ZFAND3: variants seen among roughly 807,000 people sequenced by gnomAD.
ZFAND3 encodes zinc finger AN1-type containing 3.
ZFAND3 carries 10 observed loss-of-function variants against 29.6 expected under a neutral mutation model. That is an observed-to-expected ratio of 0.34 (90% CI 0.21 to 0.57). The LOEUF is 0.57. Ranked by LOEUF, ZFAND3 falls within the 20% of genes least tolerant of loss-of-function variation. The pLI is 0.86. For missense variants in ZFAND3, 230 were observed against 304.5 expected (o/e 0.76, Z 1.82); for synonymous variants, 128 against 112.6 (o/e 1.14, Z -0.87).
At chr6:37,866,201 G>A (rs1209098720) in intron 1 of ZFAND3, among the ~76,000 whole-genome samples, 2 of 152,170 alleles carry the variant, frequency 1.3e-5, no homozygotes, top group Non-Finnish European at 2.9e-5. Context: ...GAGTTGATTG[G>A]AATTGTTCAG....
chr6:38,019,816 G>A (rs923035390), intron 2 of ZFAND3, among the ~76,000 whole-genome samples: 2 of 152,104 alleles, frequency 1.3e-5, no homozygotes, highest in African/African-American at 2.4e-5. Context: ...CTGCCTCCTG[G>A]GTTCAAGTCA....
chr6:38,002,106 T>A (rs1192152775), intron 2 of ZFAND3, among the ~76,000 whole-genome samples: 2 of 152,148 alleles, frequency 1.3e-5, no homozygotes, highest in East Asian at 1.9e-4. Flanking sequence ...TCAAGAGATG[T>A]TGTTTTCCTT....
At chr6:38,144,210 T>TATATAA (rs1165917870) in intron 5 of ZFAND3, among the ~76,000 whole-genome samples, 1 of 37,080 alleles carries the variant, frequency 2.7e-5, no homozygotes, top group Non-Finnish European at 5.6e-5. Flanking sequence ...TATATATATA[T>TATATAA]AATATATAAT....
At chr6:38,141,190 G>A (rs1765947122) in intron 5 of ZFAND3, among the ~76,000 whole-genome samples, 1 of 152,246 alleles carries the variant, frequency 6.6e-6, no homozygotes, top group African/African-American at 2.4e-5. Flanking sequence ...ACAAGTGCAT[G>A]TGATGCTGGC....
chr6:37,860,865 A>G (rs1209652194), intron 1 of ZFAND3, among the ~76,000 whole-genome samples: 1 of 152,138 alleles, frequency 6.6e-6, no homozygotes, highest in Non-Finnish European at 1.5e-5. Flanking sequence ...TGGATGTAGA[A>G]GGATGAGATA....
Position 37,939,273 on chromosome 6 carries a change from C to G in ZFAND3, c.112+9274C>G, listed in dbSNP as rs567869031. Among the ~76,000 whole-genome samples the G allele has an allele frequency of 1.5e-3, 223 of 152,272 alleles. 2 individuals carry two copies. Among genetic ancestry groups the G allele is most frequent in the African/African-American group, 4.3e-3 (179 of 41,558 alleles). The stretch of plus-strand genomic sequence containing the variant: ...CCTTTGAGGGAGAATTCATTCCATG[C>G]TGCTGCTTGTTTCTGGCTTGTCAAT... On this transcript the variant is annotated intron_variant, in intron 2 of 5. Transcript: ENST00000287218.
At chr6:37,964,179 A>G (rs528149709) in intron 2 of ZFAND3, among the ~76,000 whole-genome samples, 2 of 152,296 alleles carry the variant, frequency 1.3e-5, no homozygotes, top group African/African-American at 4.8e-5. Flanking sequence ...TGTCTTTTCA[A>G]AGATCAGGTA....
chr6:37,925,587 C>T (rs1210186113), intron 1 of ZFAND3, among the ~76,000 whole-genome samples: 1 of 151,854 alleles, frequency 6.6e-6, no homozygotes, highest in African/African-American at 2.4e-5. Context: ...GCCTGTAATC[C>T]CAGCTACCTG....
intron 5 of ZFAND3, among the ~76,000 whole-genome samples, chr6:38,122,383 A>G (rs551750575): frequency 6.2e-4 from 95 of 152,352 alleles, no homozygotes; most frequent in African/African-American, 2.1e-3. Context: ...CAGTGCAGAC[A>G]CAACCATCAT....
chr6:38,008,654 A>G (rs941614959), intron 2 of ZFAND3, among the ~76,000 whole-genome samples: 36 of 151,514 alleles, frequency 2.4e-4, no homozygotes, highest in African/African-American at 7.8e-4. Context: ...CTCCACCACC[A>G]TCTCTCTCAT....
Position 38,019,001 on chromosome 6 carries a change from C to T in ZFAND3, c.113-42592C>T, listed in dbSNP as rs545612710. ...TTTTTGGGACAGAGTGTCACTCTGTCACTCAGGCTGAAGTGCAGTGGCGCC... is the reference window on the plus strand; with the variant it reads ...TTTTTGGGACAGAGTGTCACTCTGTTACTCAGGCTGAAGTGCAGTGGCGCC... On this transcript the variant is annotated intron_variant, in intron 2 of 5. Transcript: ENST00000287218. Among the ~76,000 whole-genome samples, 6 of 152,118 alleles carry T rather than the reference C, an allele frequency of 3.9e-5. No homozygotes were observed. The East Asian group carries it at 1.2e-3, about 29-fold the overall frequency.
intron 3 of ZFAND3, among the ~76,000 whole-genome samples, chr6:38,077,005 A>T (rs1764567203): frequency 1.3e-5 from 2 of 152,166 alleles, no homozygotes; most frequent in African/African-American, 4.8e-5. Context: ...AGAAATGTAG[A>T]TTGTTTGAAT....
intron 3 of ZFAND3, among the ~76,000 whole-genome samples, chr6:38,076,006 C>G (rs1764546679): frequency 1.3e-5 from 2 of 152,112 alleles, no homozygotes; most frequent in African/African-American, 4.8e-5. Flanking sequence ...CCTCCCTCAG[C>G]CTTGCAAAGC....
Position 38,141,946 on chromosome 6 carries a change from G to A in ZFAND3, c.530-10289G>A, listed in dbSNP as rs550168778. Among the ~76,000 whole-genome samples, 18 of 152,326 alleles carry A rather than the reference G, an allele frequency of 1.2e-4. No individual in the cohort carries two copies. The East Asian group carries it at 2.5e-3, about 21-fold the overall frequency. ...ACAGGCACGGTTTTCATTTATGCCCGTAACAGCCCCATCTTAGAGCAGACA... is the reference window on the plus strand; with the variant it reads ...ACAGGCACGGTTTTCATTTATGCCCATAACAGCCCCATCTTAGAGCAGACA... On this transcript the variant is annotated intron_variant, in intron 5 of 5. Coordinates refer to ENST00000287218, the MANE Select transcript of ZFAND3 (RefSeq NM_021943.3).
Position 37,880,498 on chromosome 6 carries a change from C to T in ZFAND3, c.72-49461C>T, listed in dbSNP as rs564383897. On this transcript the variant is annotated intron_variant, in intron 1 of 5. Coordinates refer to ENST00000287218, the MANE Select transcript of ZFAND3 (RefSeq NM_021943.3). Reference sequence around the variant, plus strand: ...TTGACTAGAATGAGCCAGTTGGAATCTGAAGATCAAGTTGGAAAAGTCCTC... The same window carrying T: ...TTGACTAGAATGAGCCAGTTGGAATTTGAAGATCAAGTTGGAAAAGTCCTC... Among the ~76,000 whole-genome samples the T allele has an allele frequency of 1.1e-4, 16 of 152,236 alleles. No individual in the cohort carries two copies. In the East Asian group the frequency reaches 3.1e-3, roughly 29 times the overall value.
chr6:38,094,599 G>C (rs1764940694), intron 4 of ZFAND3, among the ~76,000 whole-genome samples: 1 of 152,150 alleles, frequency 6.6e-6, no homozygotes, highest in South Asian at 2.1e-4. Context: ...CATGAAATAG[G>C]AAGATTTAGC....
At chr6:38,144,791 A>G (rs1766070205) in intron 5 of ZFAND3, among the ~76,000 whole-genome samples, 1 of 152,228 alleles carries the variant, frequency 6.6e-6, no homozygotes, top group African/African-American at 2.4e-5. Context: ...CAAGTGAGGG[A>G]TCTGCAAGAA....
chr6:37,883,215 T>C (rs1232148680), intron 1 of ZFAND3, among the ~76,000 whole-genome samples: 3 of 152,158 alleles, frequency 2.0e-5, no homozygotes, highest in Non-Finnish European at 4.4e-5. Context: ...AGAATGAGAC[T>C]CTTTTTGTAC....
intron 2 of ZFAND3, among the ~76,000 whole-genome samples, chr6:37,993,829 G>A (rs934745719): frequency 4.6e-5 from 7 of 152,096 alleles, no homozygotes; most frequent in Admixed American, 2.0e-4. Flanking sequence ...TGGCTTAAAT[G>A]TACTTACATT....
Sources: gnomAD v4.1 joint callset for allele counts (sites outside exome capture counted in the v4.1 genomes callset) on GRCh38, gnomAD v4.1.1 for gene constraint, MANE v1.5 for transcripts, NCBI Gene and HGNC (gene_info 2026-07-23, HGNC 2026-07-21) for gene names.